ENTPD1: variants seen among roughly 807,000 people sequenced by gnomAD.
The protein encoded by ENTPD1 is ATP diphosphohydrolase.
A neutral mutation model predicts 57.0 loss-of-function variants in ENTPD1; 33 were observed. The ratio of observed to expected loss-of-function variants is 0.58; its 90% CI spans 0.44 to 0.77. The LOEUF is 0.77. Ranked by LOEUF, ENTPD1 falls within the 30% of genes least tolerant of loss-of-function variation. The probability of loss-of-function intolerance (pLI) is 0.00; values close to 1 mark genes in which losing one functional copy is unlikely to be tolerated. For missense variants in ENTPD1, 501 were observed against 603.4 expected, an observed-to-expected ratio of 0.83 and a Z score of 1.78; for synonymous variants, 202 against 218.8, an observed-to-expected ratio of 0.92 and a Z score of 0.68.
intron 1 of ENTPD1, among the ~76,000 whole-genome samples, chr10:95,813,445 G>T (rs749584853): frequency 1.3e-5 from 2 of 152,176 alleles, no homozygotes; most frequent in Non-Finnish European, 2.9e-5. Context: ...ATTCTTCATA[G>T]ACTGGCCAGA....
the ENTPD1 span, among the ~76,000 whole-genome samples, chr10:95,699,783 C>T: frequency 6.6e-6 from 1 of 152,116 alleles, no homozygotes; most frequent in Middle Eastern, 3.2e-3. Context: ...GGTTGACCAT[C>T]AGCATGGTCA....
intron 9 of ENTPD1, among the ~76,000 whole-genome samples, chr10:95,865,667 T>G (rs547130016): frequency 2.5e-3 from 379 of 152,358 alleles, no homozygotes; most frequent in Non-Finnish European, 4.5e-3. Context: ...TGTTATAATA[T>G]TCCAGACTTC....
chr10:95,711,191 A>G (rs937596771), upstream of ENTPD1, among the ~76,000 whole-genome samples: 6 of 152,202 alleles, frequency 3.9e-5, no homozygotes, highest in African/African-American at 1.4e-4. Context: ...AAAACTGGCC[A>G]TAAAGAAATG....
Position 95,847,618 on chromosome 10 carries a change from T to C in ENTPD1, c.986T>C (p.Ile329Thr). 6.2e-7 allele frequency: 1 copy of C among 1,614,206 alleles called. No individual in the cohort carries two copies. The highest frequency in any genetic ancestry group is 2.2e-5 in the East Asian group (1 of 44,886). The change falls in exon 7 of 10, where the codon ATC (isoleucine) becomes ACC (threonine). Residue 329 changes from isoleucine to threonine, a missense_variant. Coordinates refer to ENST00000371205, the MANE Select transcript of ENTPD1 (RefSeq NM_001776.6). The stretch of plus-strand genomic sequence containing the variant: ...AACTATCAACAATGCCATCAAAGCA[T>C]CCTGGAGCTCTTCAACACCAGTTAC... ...IGNYQQCHQS[I>T]LELFNTSYCP... is the part of the protein sequence containing the mutation.
intron 2 of ENTPD1, among the ~76,000 whole-genome samples, chr10:95,824,148 C>A (rs1212005701): frequency 6.6e-6 from 1 of 152,030 alleles, no homozygotes; most frequent in Non-Finnish European, 1.5e-5. Context: ...AAAATTTATA[C>A]TATAAATACA....
chr10:95,782,834 G>A (rs2098163247), intron 1 of ENTPD1, among the ~76,000 whole-genome samples: 1 of 152,140 alleles, frequency 6.6e-6, no homozygotes. Context: ...CTGGTCATCT[G>A]GATAACTACT....
intron 1 of ENTPD1, among the ~76,000 whole-genome samples, chr10:95,725,362 C>A (rs2097982468): frequency 6.6e-6 from 1 of 151,958 alleles, no homozygotes; most frequent in African/African-American, 2.4e-5. Flanking sequence ...TTCTTTATTC[C>A]CCCTCGGTGA....
the ENTPD1 span, among the ~76,000 whole-genome samples, chr10:95,705,424 A>G: frequency 2.0e-5 from 3 of 152,230 alleles, no homozygotes; most frequent in Admixed American, 1.3e-4. Flanking sequence ...AAATTGTAGT[A>G]TACTCATACA....
intron 7 of ENTPD1, among the ~76,000 whole-genome samples, chr10:95,856,883 ATATC>A (rs2098456037): frequency 6.6e-6 from 1 of 151,520 alleles, no homozygotes; most frequent in South Asian, 2.1e-4. Flanking sequence ...TTTCTATTAC[ATATC>A]TATTTGCTAT....
intron 1 of ENTPD1, among the ~76,000 whole-genome samples, chr10:95,745,056 A>C (rs1256242085): frequency 6.6e-6 from 1 of 152,220 alleles, no homozygotes; most frequent in African/African-American, 2.4e-5. Context: ...TCTTTCATAG[A>C]TAATGAGTAC....
chr10:95,841,906 G>A (rs1351344922), intron 3 of ENTPD1, among the ~76,000 whole-genome samples: 3 of 152,224 alleles, frequency 2.0e-5, no homozygotes, highest in East Asian at 3.8e-4. Context: ...TAACTAGTTA[G>A]TGGCAGCTTC....
chr10:95,759,599 C>T (rs2098047106), intron 1 of ENTPD1, among the ~76,000 whole-genome samples: 1 of 152,192 alleles, frequency 6.6e-6, no homozygotes, highest in Non-Finnish European at 1.5e-5. Flanking sequence ...TTCCAGCACC[C>T]TCCCTTTCCT....
intron 1 of ENTPD1, among the ~76,000 whole-genome samples, chr10:95,741,943 C>T (rs1452537871): frequency 6.6e-6 from 1 of 152,174 alleles, no homozygotes; most frequent in Admixed American, 6.5e-5. Flanking sequence ...CTGATTTTGG[C>T]ATTACCTCAA....
Position 95,876,023 on chromosome 10 carries a change from A to G in ENTPD1, c.*9640A>G. 2 of 985,408 alleles carry G rather than the reference A, an allele frequency of 2.0e-6. No homozygotes were observed. Among genetic ancestry groups the G allele is most frequent in the Middle Eastern group, 5.2e-4 (1 of 1,914 alleles). The allele number at this position is 985,408 out of a possible 1,614,324, so 61.0% of individuals were successfully genotyped here. A position where few individuals can be genotyped will look rare whatever the true frequency, so the allele number is the denominator to read the frequency against. ...GTACAATCTCTTGCTATATGACACA[A>G]TAATTATTTGCAAAATGAGTAAACA... is the stretch of plus-strand genomic sequence containing the variant. On this transcript the variant is annotated 3_prime_UTR_variant, in exon 10 of 10. Transcript: ENST00000371205.
chr10:95,807,753 T>G (rs898709220), intron 1 of ENTPD1, among the ~76,000 whole-genome samples: 2 of 152,206 alleles, frequency 1.3e-5, no homozygotes, highest in African/African-American at 4.8e-5. Flanking sequence ...GTTAGGGAGC[T>G]TTGCACATTG....
At chr10:95,795,002 C>A (rs1241173597) in intron 1 of ENTPD1, among the ~76,000 whole-genome samples, 4 of 152,072 alleles carry the variant, frequency 2.6e-5, no homozygotes, top group Admixed American at 2.6e-4. Flanking sequence ...TAATGGGAAG[C>A]TGTGGAGTAT....
At chr10:95,725,895 C>G (rs188173994) in intron 1 of ENTPD1, among the ~76,000 whole-genome samples, 89 of 152,282 alleles carry the variant, frequency 5.8e-4, no homozygotes, top group African/African-American at 2.1e-3. Context: ...ACTACAAAAC[C>G]GTGGGGTTTT....
Position 95,876,755 on chromosome 10 carries a change from C to G in ENTPD1, c.*10372C>G, listed in dbSNP as rs1322615236. On this transcript the variant is annotated 3_prime_UTR_variant, in exon 10 of 10. Transcript: ENST00000371205. ...ATATAATACACATCCATGTGCCCAT[C>G]ACAGAACTTCACTGATTATCATCAT... The G allele has an allele frequency of 1.5e-6, 1 of 683,160 alleles. No individual in the cohort carries two copies. The highest frequency in any genetic ancestry group is 1.9e-5 in the African/African-American group (1 of 53,658). 42.3% of individuals were successfully genotyped at this position (683,160 alleles called of 1,614,324 possible). A position where few individuals can be genotyped will look rare whatever the true frequency, so the allele number is the denominator to read the frequency against.
chr10:95,781,687 G>A (rs944816978), intron 1 of ENTPD1, among the ~76,000 whole-genome samples: 4 of 152,206 alleles, frequency 2.6e-5, no homozygotes, highest in African/African-American at 9.6e-5. Flanking sequence ...GGGTGGAAAC[G>A]AAAAGAGGGC....
Sources: gnomAD v4.1 joint callset for allele counts (sites outside exome capture counted in the v4.1 genomes callset) on GRCh38, gnomAD v4.1.1 for gene constraint, MANE v1.5 for transcripts, NCBI Gene and HGNC (gene_info 2026-07-23, HGNC 2026-07-21) for gene names.